PKD1: variants seen among roughly 807,000 people sequenced by gnomAD.
The protein encoded by PKD1 is polycystin 1, transient receptor potential channel interacting, also known as polycystin-1.
PKD1 carries 81 observed loss-of-function variants against 361.7 expected under a neutral mutation model. That is an observed-to-expected ratio of 0.22 (90% CI 0.19 to 0.27). The LOEUF (loss-of-function observed/expected upper bound fraction) is 0.27, where lower values mean the gene tolerates loss of function less well. Ranked by LOEUF, PKD1 falls within the 10% of genes least tolerant of loss-of-function variation. The probability of loss-of-function intolerance (pLI) is 1.00; values close to 1 mark genes in which losing one functional copy is unlikely to be tolerated. For missense variants in PKD1, 6,399 were observed against 6,118.3 expected, an observed-to-expected ratio of 1.05 and a Z score of -1.53; for synonymous variants, 3,615 against 2,818.3, an observed-to-expected ratio of 1.28 and a Z score of -8.95.
chr16:2,103,404 G>A lies in PKD1; in HGVS notation c.8653C>T (p.Arg2885Trp), dbSNP rs530022651. 3.3e-5 allele frequency: 52 copies of A among 1,599,500 alleles called. No individual in the cohort carries two copies. Among genetic ancestry groups the A allele is most frequent in the East Asian group, 6.7e-5 (3 of 44,884 alleles). The change falls in exon 23 of 46, where the codon CGG (arginine) becomes TGG (tryptophan). Residue 2885 changes from arginine (R) to tryptophan (W), a missense_variant. Arg to Trp is a moderately radical substitution (Grantham distance 101). Coordinates refer to ENST00000262304, the MANE Select transcript of PKD1 (RefSeq NM_001009944.3). ...GAGTTGGCGGAGCTGCGGTGGCCCC[G>A]GGCAGCCCAGTCCGAGTTGTTGGGC... ...KVPNNSDWAA[R>W]GHRSSANSAN...
intron 1 of PKD1, among the ~76,000 whole-genome samples, chr16:2,133,508 C>T (rs1014365330): frequency 6.7e-6 from 1 of 148,828 alleles, no homozygotes; most frequent in Non-Finnish European, 1.5e-5. Context: ...CCCAGCTTGA[C>T]CCCTCTTCCC....
rs1230357797 is a variant in PKD1, at chr16:2,089,905, C to G, written c.12734G>C (p.Ser4245Thr). ...DVYQLEQQLH[S>T]LQGRRSSRAP... Reference sequence around the variant, plus strand: ...CCGGCTGCTCCTGCGGCCTTGCAGGCTGTGCAGCTGCTGCTCCAGCTGGTA... The same window carrying G: ...CCGGCTGCTCCTGCGGCCTTGCAGGGTGTGCAGCTGCTGCTCCAGCTGGTA... Residue 4245 changes from serine (S) to threonine (T), a missense_variant, in exon 46 of 46, where the codon AGC (serine) becomes ACC (threonine). Transcript: ENST00000262304. The G allele has an allele frequency of 1.2e-6, 2 of 1,611,640 alleles. No homozygotes were observed. The highest frequency in any genetic ancestry group is 4.5e-5 in the East Asian group (2 of 44,850).
chr16:2,107,646 A>G (rs574536182), intron 16 of PKD1: 57 of 603,364 alleles, frequency 9.4e-5, no homozygotes, highest in Admixed American at 6.1e-4. Flanking sequence ...TGGTATTGCT[A>G]GGGGACTGTG....
At position 2,094,011 on chromosome 16, in the gene PKD1, G is replaced by C. The variant is rs775062482; in HGVS notation, c.10621C>G (p.Leu3541Val). Residue 3541 changes from leucine (L) to valine (V), a missense_variant and splice_region_variant, in exon 36 of 46, where the codon CTG becomes GTG. Transcript: ENST00000262304. ...PQAARLSRTG[L>V]VEGLRKRLLP... ...AGGCGCTTCCGCAGACCCTCCACCA[G>C]TCCTGGGGAAGCAGAGACAGACCTG... is the stretch of plus-strand genomic sequence containing the variant. 4 of 1,590,578 alleles carry C rather than the reference G, an allele frequency of 2.5e-6. No homozygotes were observed. The South Asian group carries it at 4.5e-5, about 18-fold the overall frequency.
rs1008265951 is a variant in PKD1, at chr16:2,093,871, C to T, written c.10761G>A (p.Ala3587=). The T allele has an allele frequency of 2.4e-5, 38 of 1,571,908 alleles. No homozygotes were observed. Among genetic ancestry groups the T allele is most frequent in the African/African-American group, 4.1e-5 (3 of 74,040 alleles). Reference sequence around the variant, plus strand: ...AGCTGGCGCTGCTGGACAGGAGCCACGCAACACTCACGCCCGGGGGGAAGC... The same window carrying T: ...AGCTGGCGCTGCTGGACAGGAGCCATGCAACACTCACGCCCGGGGGGAAGC... ...GASFPPGVSV[A]WLLSSSASFL... is the part of the protein sequence containing the mutation. The change falls in exon 36 of 46, where the codon GCG becomes GCA. Residue 3587 remains alanine, a synonymous_variant. Transcript: ENST00000262304.
Position 2,106,227 on chromosome 16 carries a change from C to T in PKD1, c.7567G>A (p.Glu2523Lys), listed in dbSNP as rs554493059. The change falls in exon 19 of 46, where the codon GAG becomes AAG. Residue 2523 changes from glutamate to lysine, a missense_variant. Physicochemically the swap from Glu to Lys is moderately conservative, Grantham distance 56. Coordinates refer to ENST00000262304, the MANE Select transcript of PKD1 (RefSeq NM_001009944.3). This position sits in a 1 kb window ranked among gnomAD's most constrained non-coding sequence, Gnocchi z 6.5. ...LLRRCRQGHC[E>K]EFCVYKGSLS... ...CTGCCCTTGTAGACACAGAACTCCT[C>T]GCAGTGGCCCTGGCGACAGCGCCGC... 103 of 1,610,216 alleles carry T rather than the reference C, an allele frequency of 6.4e-5. No homozygotes were observed. Among genetic ancestry groups the T allele is most frequent in the Middle Eastern group, 2.3e-4 (1 of 4,428 alleles).
In PKD1 at chr16:2,097,769, A is replaced by G; in HGVS notation, c.10179T>C (p.Val3393=). ...GAAACAAGTCACTCTTCATCTGTCCAACAAAGGCCTGCTGAGAGGTGCACA... is the reference window on the plus strand; with the variant it reads ...GAAACAAGTCACTCTTCATCTGTCCGACAAAGGCCTGCTGAGAGGTGCACA... ...FSGLHAEQAF[V]GQMKSDLFLD... The change falls in exon 32 of 46, where the codon GTT becomes GTC. Residue 3393 remains valine, a synonymous_variant. Transcript: ENST00000262304. 6.2e-7 allele frequency: 1 copy of G among 1,611,400 alleles called. No individual in the cohort carries two copies. The highest frequency in any genetic ancestry group is 8.5e-7 in the Non-Finnish European group (1 of 1,179,870).
At position 2,114,341 on chromosome 16, in the gene PKD1, G is replaced by T; in HGVS notation, c.2682C>A (p.Phe894Leu). The T allele has an allele frequency of 6.2e-7, 1 of 1,610,456 alleles. No individual in the cohort carries two copies. Among genetic ancestry groups the T allele is most frequent in the Non-Finnish European group, 8.5e-7 (1 of 1,179,636 alleles). The change falls in exon 11 of 46, where the codon TTC becomes TTA. Residue 894 changes from phenylalanine (F) to leucine (L), a missense_variant. Phe to Leu is a conservative substitution (Grantham distance 22). Coordinates refer to ENST00000262304, the MANE Select transcript of PKD1 (RefSeq NM_001009944.3). ...TGAGCCACGGCAGTGCTACCACTGA[G>T]AACAGGGTATCGTTGGTCTCCCAGG... Reference protein sequence around the residue: ...GCPWETNDTLFSVVALPWLSE... With the variant: ...GCPWETNDTLLSVVALPWLSE...
Position 2,088,882 on chromosome 16 carries a change from CA to C in PKD1, c.*844del, listed in dbSNP as rs2091278436. ...CAGCACACTCGCGCGTGCGCGCGCG[CA>C]CACACACACACACACAGTCACCTTC... On this transcript the variant is annotated 3_prime_UTR_variant, in exon 46 of 46. Transcript: ENST00000262304. The C allele has an allele frequency of 9.3e-6, 2 of 215,738 alleles. No homozygotes were observed. Among genetic ancestry groups the C allele is most frequent in the Non-Finnish European group, 1.7e-5 (2 of 117,880 alleles). The allele number at this position is 215,738 out of a possible 1,614,324, so 13.4% of individuals were successfully genotyped here. A position where few individuals can be genotyped will look rare whatever the true frequency, so the allele number is the denominator to read the frequency against.
intron 1 of PKD1, among the ~76,000 whole-genome samples, chr16:2,123,950 G>A (rs1219258460): frequency 6.6e-6 from 1 of 152,198 alleles, no homozygotes; most frequent in Non-Finnish European, 1.5e-5. Context: ...CGGGACACAA[G>A]GGGTCCCCAG....
At position 2,118,517 on chromosome 16, in the gene PKD1, G is replaced by A. The variant is rs2092675652; in HGVS notation, c.530-55C>T. 5 of 1,427,536 alleles carry A rather than the reference G, an allele frequency of 3.5e-6. No individual in the cohort carries two copies. Among genetic ancestry groups the A allele is most frequent in the East Asian group, 4.9e-5 (2 of 40,496 alleles). The allele number at this position is 1,427,536 out of a possible 1,614,324, so 88.4% of individuals were successfully genotyped here. Reference sequence around the variant, plus strand: ...TCTGCTCCTCCTGGCTCCACCCCACGCCCCCACATCCGCCCGCCGCACTCA... The same window carrying A: ...TCTGCTCCTCCTGGCTCCACCCCACACCCCCACATCCGCCCGCCGCACTCA... On this transcript the variant is annotated intron_variant, in intron 4 of 45. Transcript: ENST00000262304. The surrounding 1 kb of genome is among the most constrained non-coding windows in gnomAD (Gnocchi z 6.0).
chr16:2,104,399 G>C, intron 22 of PKD1, 99 bp downstream of exon 22: 1 of 746,400 alleles, frequency 1.3e-6, no homozygotes, highest in Non-Finnish European at 2.1e-6. Flanking sequence ...GGGGGACGAA[G>C]ATGGGATGGG....
At position 2,130,491 on chromosome 16, in the gene PKD1, G is replaced by A. The variant is rs538903740; in HGVS notation, c.215+4984C>T. 2.5e-4 allele frequency among the ~76,000 whole-genome samples: 38 copies of A among 152,334 alleles called. No homozygotes were observed. The South Asian group carries it at 6.4e-3, about 26-fold the overall frequency. ...AGAATCATCTGCGTGTTGGTTGAAC[G>A]CGGGCTCCAGTGATAACGGAGCCCT... is the stretch of plus-strand genomic sequence containing the variant. On this transcript the variant is annotated intron_variant, in intron 1 of 45. Transcript: ENST00000262304.
intron 41 of PKD1, 90 bp downstream of exon 41, chr16:2,091,691 G>T: frequency 6.4e-7 from 1 of 1,568,050 alleles, no homozygotes; most frequent in Non-Finnish European, 8.6e-7. Flanking sequence ...TGTGGAAGCC[G>T]CCTAGGCCAG....
At chr16:2,095,922 A>G (rs2091827871) in intron 34 of PKD1, among the ~76,000 whole-genome samples, 1 of 152,218 alleles carries the variant, frequency 6.6e-6, no homozygotes, top group Non-Finnish European at 1.5e-5. Flanking sequence ...CTGTATTTTT[A>G]AAACCAACCA....
In PKD1 at chr16:2,088,886, CACA is replaced by C. The variant is rs2091279711; in HGVS notation, c.*838_*840del. 2.7e-6 allele frequency: 1 copy of C among 372,800 alleles called. No homozygotes were observed. Among genetic ancestry groups the C allele is most frequent in the African/African-American group, 2.4e-5 (1 of 42,534 alleles). The allele number at this position is 372,800 out of a possible 1,614,324, so 23.1% of individuals were successfully genotyped here. A position where few individuals can be genotyped will look rare whatever the true frequency, so the allele number is the denominator to read the frequency against. ...ACACTCGCGCGTGCGCGCGCGCACA[CACA>C]CACACACACAGTCACCTTCCTCCAC... On this transcript the variant is annotated 3_prime_UTR_variant, in exon 46 of 46. Transcript: ENST00000262304.
chr16:2,107,677 T>C (rs994463202), intron 16 of PKD1: 12 of 637,460 alleles, frequency 1.9e-5, no homozygotes, highest in African/African-American at 9.0e-5. Context: ...CACTAGAGCA[T>C]ATGTGGCTTG....
chr16:2,097,106 C>G (rs1374028731), intron 34 of PKD1, 42 bp downstream of exon 34: 2 of 1,468,962 alleles, frequency 1.4e-6, no homozygotes, highest in Non-Finnish European at 1.9e-6. Context: ...GTCCCGGCCC[C>G]TCCTCTGGCA....
rs752690118 is a variant in PKD1 at position 2,106,687 on chromosome 16, G to A, written c.7210-10C>T. ...TACGTGCAGCCCACCGCTGCAGGCA[G>A]AAGGGGTGGTGAGGGGGCGCAACCC... is the stretch of plus-strand genomic sequence containing the variant. On this transcript the variant is annotated splice_polypyrimidine_tract_variant and intron_variant, in intron 17 of 45. Transcript: ENST00000262304. The surrounding 1 kb of genome is among the most constrained non-coding windows in gnomAD (Gnocchi z 6.5). The A allele has an allele frequency of 5.7e-6, 9 of 1,592,726 alleles. No individual in the cohort carries two copies. Among genetic ancestry groups the A allele is most frequent in the South Asian group, 1.1e-5 (1 of 90,550 alleles).
Sources: allele counts gnomAD v4.1 joint callset (sites outside exome capture counted in the v4.1 genomes callset), GRCh38; gene constraint gnomAD v4.1.1; non-coding constraint Gnocchi (gnomAD v3.1); transcripts MANE v1.5; gene names NCBI Gene and HGNC (gene_info 2026-07-23, HGNC 2026-07-21).